BDP1: variants seen among roughly 807,000 people sequenced by gnomAD.
The protein encoded by BDP1 is transcription factor TFIIIB component B'' homolog.
Under a neutral mutation model 266.6 loss-of-function variants are expected in BDP1, and 169 were observed. The observed-to-expected ratio is 0.63, with a 90% CI of 0.56 to 0.72. BDP1 has a LOEUF of 0.72. BDP1 is among the 30% of genes least tolerant of loss of function. The probability of loss-of-function intolerance (pLI) is 0.00; values close to 1 mark genes in which losing one functional copy is unlikely to be tolerated. For synonymous variants in BDP1, 1,090 were observed against 1,022.4 expected, an observed-to-expected ratio of 1.07 and a Z score of -1.26; for missense variants, 3,015 against 3,053.8, an observed-to-expected ratio of 0.99 and a Z score of 0.30.
In BDP1 at chr5:71,458,648, A is replaced by T. The variant is rs150188040; in HGVS notation, c.282A>T (p.Arg94Ser). The change falls in exon 2 of 39, where the codon AGA becomes AGT. Residue 94 changes from arginine (R) to serine (S), a missense_variant. Arg to Ser is a moderately radical substitution (Grantham distance 110). Around this residue, in one of 3 missense-constraint regions of BDP1, gnomAD observed 2,383 missense variants for 2,404.9 expected, o/e 0.99. Coordinates refer to ENST00000358731, the MANE Select transcript of BDP1 (RefSeq NM_018429.3). The stretch of plus-strand genomic sequence containing the variant: ...GATCTTCCTCTACTGTTTCACAGAG[A>T]AGAAAGCGAATATCAAGTACTTCTA... The part of the protein sequence containing the change: ...SSRSSSTVSQ[R>S]RKRISSTSSL... 534 of 1,613,788 alleles carry T rather than the reference A, an allele frequency of 3.3e-4. 1 individual carries two copies. In the East Asian group the frequency reaches 0.011, roughly 32 times the overall value.
intron 20 of BDP1, 22 bp downstream of exon 20, chr5:71,515,144 C>T (rs1229348164): frequency 6.5e-7 from 1 of 1,532,936 alleles, no homozygotes; most frequent in Non-Finnish European, 8.8e-7. Context: ...TTTTCTTTGA[C>T]AATATAAAAT....
At chr5:71,524,471 G>A in intron 25 of BDP1, 148 bp downstream of exon 25, 1 of 909,500 alleles carries the variant, frequency 1.1e-6, no homozygotes, top group Non-Finnish European at 1.6e-6. Context: ...ATAATTTGGG[G>A]CCTTGTATAA....
chr5:71,511,887 G>A (rs1228529467), intron 17 of BDP1, among the ~76,000 whole-genome samples: 2 of 151,976 alleles, frequency 1.3e-5, no homozygotes, highest in African/African-American at 2.4e-5. Context: ...GGCCACATCT[G>A]TATCTGCTTT....
Position 71,464,087 on chromosome 5 carries a change from A to G in BDP1, c.629A>G (p.Glu210Gly). The G allele has an allele frequency of 6.3e-7, 1 of 1,580,954 alleles. No homozygotes were observed. Among genetic ancestry groups the G allele is most frequent in the Middle Eastern group, 1.7e-4 (1 of 5,910 alleles). Residue 210 changes from glutamate (E) to glycine (G), a missense_variant, in exon 4 of 39, where the codon GAA (glutamate) becomes GGA (glycine). By Grantham distance (98) the Glu-to-Gly change is moderately conservative. Transcript: ENST00000358731. ...TCACTGGAACAAGAAAAGAAAACTGAAAAGCCATCGACTCCAGTCCAGACA... is the reference window on the plus strand; with the variant it reads ...TCACTGGAACAAGAAAAGAAAACTGGAAAGCCATCGACTCCAGTCCAGACA... The part of the protein sequence containing the change: ...TSSLEQEKKT[E>G]KPSTPVQTRE...
intron 14 of BDP1, 123 bp downstream of exon 14, chr5:71,501,776 C>A: frequency 3.1e-6 from 2 of 638,424 alleles, no homozygotes; most frequent in South Asian, 4.2e-5. Flanking sequence ...ACTTTAAGTT[C>A]GTTTTCAACC....
At position 71,516,160 on chromosome 5, in the gene BDP1, A is replaced by G; in HGVS notation, c.4749A>G (p.Ile1583Met). The change falls in exon 21 of 39, where the codon ATA (isoleucine) becomes ATG (methionine). Residue 1583 changes from isoleucine to methionine, a missense_variant. Transcript: ENST00000358731. Reference protein sequence around the residue: ...RGRLQRPRPNIRKTGQRQIVD... With the variant: ...RGRLQRPRPNMRKTGQRQIVD... Reference sequence around the variant, plus strand: ...GACTTCAGAGACCGAGACCAAATATAAGAAAGACAGGACAGAGGCAAATAG... The same window carrying G: ...GACTTCAGAGACCGAGACCAAATATGAGAAAGACAGGACAGAGGCAAATAG... 2 of 1,613,520 alleles carry G rather than the reference A, an allele frequency of 1.2e-6. No individual in the cohort carries two copies. The highest frequency in any genetic ancestry group is 8.5e-7 in the Non-Finnish European group (1 of 1,179,642).
At chr5:71,532,867 A>T (rs1766338743) in intron 26 of BDP1, among the ~76,000 whole-genome samples, 1 of 152,220 alleles carries the variant, frequency 6.6e-6, no homozygotes, top group Admixed American at 6.5e-5. Context: ...TGCAAACATT[A>T]TCACAGTCAA....
In BDP1 at chr5:71,548,694, A is replaced by G. The variant is rs766294689; in HGVS notation, c.6757A>G (p.Ser2253Gly). The G allele has an allele frequency of 6.2e-7, 1 of 1,607,248 alleles. No homozygotes were observed. Among genetic ancestry groups the G allele is most frequent in the South Asian group, 1.1e-5 (1 of 90,638 alleles). Residue 2253 changes from serine (S) to glycine (G), a missense_variant, in exon 33 of 39, where the codon AGT becomes GGT. By Grantham distance (56) the Ser-to-Gly change is moderately conservative (BLOSUM62 0). Around this residue, in one of 3 missense-constraint regions of BDP1, gnomAD observed 629 missense variants for 632.5 expected, o/e 0.99. Transcript: ENST00000358731. Reference protein sequence around the residue: ...TLPVPEYTPTSIPEVQQENII... With the variant: ...TLPVPEYTPTGIPEVQQENII... ...TTTTTTATGGCAGTATACACCAACA[A>G]GTATTCCAGAAGTCCAACAAGAGAA...
intron 15 of BDP1, 117 bp downstream of exon 15, chr5:71,502,908 T>A: frequency 1.2e-6 from 1 of 807,852 alleles, no homozygotes. Context: ...TATTTATTTA[T>A]GACGGAGTCT....
chr5:71,527,723 C>T (rs1432798859), intron 25 of BDP1, among the ~76,000 whole-genome samples: 2 of 152,028 alleles, frequency 1.3e-5, no homozygotes, highest in African/African-American at 4.8e-5. Flanking sequence ...CTGGTATGAA[C>T]ATAGTTGTAT....
intron 6 of BDP1, among the ~76,000 whole-genome samples, chr5:71,469,864 G>T: frequency 8.4e-6 from 1 of 119,588 alleles, no homozygotes. Context: ...TTTTTGAGAT[G>T]GAATTTCACT....
At chr5:71,495,520 A>G in intron 12 of BDP1, 112 bp downstream of exon 12, 1 of 598,206 alleles carries the variant, frequency 1.7e-6, no homozygotes. Flanking sequence ...ATACTTTATT[A>G]ATAGTAGAGG....
At chr5:71,535,380 T>A (rs1011982686) in intron 26 of BDP1, among the ~76,000 whole-genome samples, 1 of 152,016 alleles carries the variant, frequency 6.6e-6, no homozygotes, top group Non-Finnish European at 1.5e-5. Flanking sequence ...AATTTTTGTA[T>A]TTTTAGTAGA....
chr5:71,539,431 G>C, intron 27 of BDP1, 126 bp from the exon 28 acceptor site: 2 of 670,562 alleles, frequency 3.0e-6, no homozygotes, highest in South Asian at 3.9e-5. Flanking sequence ...CTTAGTAAGG[G>C]ATTAATGGCT....
rs561147642 is a variant in BDP1, at chr5:71,489,231, C to G, written c.1214-173C>G. Among the ~76,000 whole-genome samples, 38 of 152,102 alleles carry G rather than the reference C, an allele frequency of 2.5e-4. No individual in the cohort carries two copies. The Middle Eastern group carries it at 0.01, about 41-fold the overall frequency. On this transcript the variant is annotated intron_variant, in intron 9 of 38. Coordinates refer to ENST00000358731, the MANE Select transcript of BDP1 (RefSeq NM_018429.3). Reference sequence around the variant, plus strand: ...TCTTACCTCATTATTATTATTGGCTCCGTGGATTTTTATATATTATTTAGT... The same window carrying G: ...TCTTACCTCATTATTATTATTGGCTGCGTGGATTTTTATATATTATTTAGT...
chr5:71,529,305 G>A (rs939185788), intron 25 of BDP1, among the ~76,000 whole-genome samples: 4 of 152,112 alleles, frequency 2.6e-5, no homozygotes, highest in African/African-American at 4.8e-5. Context: ...CAGGATAATC[G>A]CTTGAAACCA....
chr5:71,509,358 T>C lies in BDP1; in HGVS notation c.2373-107T>C, dbSNP rs560862103. On this transcript the variant is annotated intron_variant, in intron 16 of 38. Transcript: ENST00000358731. ...GATTCCTAGGCCTTCCTTAATTTTT[T>C]TGAATTTGAGAGTTTCTGGTGTTTC... is the stretch of plus-strand genomic sequence containing the variant. 17 of 1,302,042 alleles carry C rather than the reference T, an allele frequency of 1.3e-5. No homozygotes were observed. The South Asian group carries it at 2.7e-4, about 21-fold the overall frequency. 80.7% of individuals were successfully genotyped at this position (1,302,042 alleles called of 1,614,324 possible). A position where few individuals can be genotyped will look rare whatever the true frequency, so the allele number is the denominator to read the frequency against.
At chr5:71,571,539 A>G (rs778315814), downstream of BDP1, among the ~76,000 whole-genome samples, 21 of 152,268 alleles carry the variant, frequency 1.4e-4, 1 homozygote, top group Admixed American at 1.3e-3. Flanking sequence ...CTTCCTGTAC[A>G]TGGCTTCCTC....
At chr5:71,478,285 G>A (rs1762722801) in intron 7 of BDP1, among the ~76,000 whole-genome samples, 1 of 151,732 alleles carries the variant, frequency 6.6e-6, no homozygotes, top group Admixed American at 6.6e-5. Flanking sequence ...CAAAAAAACA[G>A]CTCTCTCTCT....
Sources: allele counts gnomAD v4.1 joint callset (sites outside exome capture counted in the v4.1 genomes callset), GRCh38; gene constraint gnomAD v4.1.1; regional missense constraint gnomAD v4.1.1; transcripts MANE v1.5; gene names NCBI Gene and HGNC (gene_info 2026-07-23, HGNC 2026-07-21).